HERC2: variants seen among roughly 807,000 people sequenced by gnomAD.
HERC2 encodes the protein HECT and RLD domain containing E3 ubiquitin protein ligase 2.
In HERC2, 102 loss-of-function variants were observed where a neutral mutation model predicts 537.7. The observed-to-expected ratio is 0.19, with a 90% CI of 0.16 to 0.22. HERC2 has a LOEUF of 0.22. Among genes scored for constraint, HERC2 ranks in the 10% least tolerant of loss-of-function variants. The pLI, the probability that HERC2 is intolerant of heterozygous loss-of-function variation, is 1.00. For missense variants in HERC2, 4,236 were observed against 6,198.2 expected (o/e 0.68, Z 10.63); for synonymous variants, 2,224 against 2,466.2 (o/e 0.90, Z 2.91).
intron 2 of HERC2, among the ~76,000 whole-genome samples, chr15:28,309,906 G>A (rs1288796105): frequency 2.0e-5 from 3 of 152,138 alleles, no homozygotes; most frequent in African/African-American, 7.2e-5. Context: ...TATTTTTTCT[G>A]TTCACATCAC....
chr15:28,196,305 T>C lies in HERC2; in HGVS notation c.8170A>G (p.Arg2724Gly). 1 of 1,449,594 alleles carries C rather than the reference T, an allele frequency of 6.9e-7. No homozygotes were observed. The highest frequency in any genetic ancestry group is 1.8e-5 in the Admixed American group (1 of 56,698). The allele number at this position is 1,449,594 out of a possible 1,614,324, so 89.8% of individuals were successfully genotyped here. A position where few individuals can be genotyped will look rare whatever the true frequency, so the allele number is the denominator to read the frequency against. Residue 2724 changes from arginine (R) to glycine (G), a missense_variant, in exon 52 of 93, where the codon AGA (arginine) becomes GGA (glycine). Physicochemically the swap from Arg to Gly is moderately radical, Grantham distance 125 (BLOSUM62 -2). This residue lies in a region of HERC2 where 606 missense variants were observed against 884.5 expected (regional missense o/e 0.69). Coordinates refer to ENST00000261609, the MANE Select transcript of HERC2 (RefSeq NM_004667.6). The part of the protein sequence containing the change: ...FPINGSRFKC[R>G]NCDDFDFCET... Reference sequence around the variant, plus strand: ...CAAAAATCAAAGTCATCACAGTTTCTGCATTTGAATCTGGATCCATTGATA... The same window carrying C: ...CAAAAATCAAAGTCATCACAGTTTCCGCATTTGAATCTGGATCCATTGATA...
chr15:28,231,675 TA>T (rs1314452988), intron 30 of HERC2, among the ~76,000 whole-genome samples: 2 of 152,166 alleles, frequency 1.3e-5, no homozygotes, highest in Non-Finnish European at 2.9e-5. Context: ...TTCCCTCTGC[TA>T]ATTTTAATCT....
Position 28,146,307 on chromosome 15 carries a change from G to A in HERC2, c.10938C>T (p.Cys3646=). 1 of 1,614,064 alleles carries A rather than the reference G, an allele frequency of 6.2e-7. No homozygotes were observed. Among genetic ancestry groups the A allele is most frequent in the Non-Finnish European group, 8.5e-7 (1 of 1,179,986 alleles). ...EGLRVEFDRQ[C]STERRHDPLT... The stretch of plus-strand genomic sequence containing the variant: ...GAGGGTCGTGGCGCCTCTCTGTGGA[G>A]CACTGCCGGTCAAATTCTACCCTGA... The change falls in exon 71 of 93, where the codon TGC becomes TGT. Residue 3646 remains cysteine, a synonymous_variant. Coordinates refer to ENST00000261609, the MANE Select transcript of HERC2 (RefSeq NM_004667.6).
chr15:28,240,918 A>G (rs1362105014), intron 23 of HERC2, among the ~76,000 whole-genome samples: 1 of 152,232 alleles, frequency 6.6e-6, no homozygotes, highest in Non-Finnish European at 1.5e-5. Context: ...AGACCTAAAA[A>G]TAAGTGCTAA....
intron 25 of HERC2, among the ~76,000 whole-genome samples, chr15:28,237,572 G>GT (rs1409298496): frequency 6.6e-6 from 1 of 152,226 alleles, no homozygotes; most frequent in Non-Finnish European, 1.5e-5. Context: ...TCTGAAAAAA[G>GT]TAAGAGTTCA....
At chr15:28,311,359 G>A (rs2076940366) in intron 2 of HERC2, among the ~76,000 whole-genome samples, 1 of 152,282 alleles carries the variant, frequency 6.6e-6, no homozygotes, top group Non-Finnish European at 1.5e-5. Flanking sequence ...CACTACTCAG[G>A]GGGCTGAGGT....
chr15:28,273,423 A>T (rs2016236), intron 7 of HERC2, among the ~76,000 whole-genome samples: 33,791 of 152,188 alleles, frequency 0.22, 7,454 homozygotes, highest in African/African-American at 0.56. Context: ...GCAAAATGTC[A>T]ACACTAATTT....
intron 85 of HERC2, 144 bp downstream of exon 85, chr15:28,123,893 G>C: frequency 1.7e-6 from 1 of 573,902 alleles, no homozygotes; most frequent in Middle Eastern, 3.2e-4. Flanking sequence ...ACCCAGAACA[G>C]AGCCTGGCAT....
At chr15:28,231,809 C>G (rs1217756039) in intron 30 of HERC2, among the ~76,000 whole-genome samples, 1 of 151,104 alleles carries the variant, frequency 6.6e-6, no homozygotes, top group Non-Finnish European at 1.5e-5. Flanking sequence ...GAATATTAAT[C>G]ACTTAATCTT....
In HERC2 at chr15:28,222,056, C is replaced by T. The variant is rs754151104; in HGVS notation, c.5624G>A (p.Arg1875Lys). The T allele has an allele frequency of 1.7e-6, 2 of 1,167,448 alleles. No individual in the cohort carries two copies. The highest frequency in any genetic ancestry group is 2.6e-6 in the Non-Finnish European group (2 of 769,490). The allele number at this position is 1,167,448 out of a possible 1,614,324, so 72.3% of individuals were successfully genotyped here. A position where few individuals can be genotyped will look rare whatever the true frequency, so the allele number is the denominator to read the frequency against. Residue 1875 changes from arginine (R) to lysine (K), a missense_variant, in exon 36 of 93, where the codon AGA becomes AAA. Coordinates refer to ENST00000261609, the MANE Select transcript of HERC2 (RefSeq NM_004667.6). ...ATCGCCCCATTTCCAGTCCACACCT[C>T]TCATGACCCTTGTTCCAATCTTCAT... ...AMMKIGTRVM[R>K]GVDWKWGDQD...
chr15:28,174,860 T>G (rs1205053022), intron 64 of HERC2, among the ~76,000 whole-genome samples: 1 of 152,112 alleles, frequency 6.6e-6, no homozygotes, highest in African/African-American at 2.4e-5. Flanking sequence ...TTTCTTAATA[T>G]TAATCCAATT....
intron 2 of HERC2, among the ~76,000 whole-genome samples, chr15:28,308,868 C>T (rs1292988478): frequency 6.6e-6 from 1 of 152,234 alleles, no homozygotes; most frequent in Non-Finnish European, 1.5e-5. Flanking sequence ...ATATGTTGAA[C>T]CATCCTTGTA....
chr15:28,142,569 C>T lies in HERC2; in HGVS notation c.11545-176G>A, dbSNP rs1891332662. The T allele has an allele frequency of 4.3e-6, 3 of 692,202 alleles. No homozygotes were observed. The East Asian group carries it at 8.2e-5, about 19-fold the overall frequency. The allele number at this position is 692,202 out of a possible 1,614,324, so 42.9% of individuals were successfully genotyped here. A position where few individuals can be genotyped will look rare whatever the true frequency, so the allele number is the denominator to read the frequency against. On this transcript the variant is annotated intron_variant, in intron 75 of 92. Coordinates refer to ENST00000261609, the MANE Select transcript of HERC2 (RefSeq NM_004667.6). ...TCTGACAGTTCCTAGCCACGTGCCA[C>T]ACAACTGCTGCAACACTTGTTGCCT...
At chr15:28,189,576 T>G (rs892598717) in intron 55 of HERC2, among the ~76,000 whole-genome samples, 6 of 152,222 alleles carry the variant, frequency 3.9e-5, no homozygotes, top group Non-Finnish European at 8.8e-5. Context: ...AATGAATCAG[T>G]GTATTATGAA....
intron 69 of HERC2, among the ~76,000 whole-genome samples, chr15:28,160,353 G>A (rs1893460109): frequency 6.6e-6 from 1 of 152,234 alleles, no homozygotes; most frequent in Non-Finnish European, 1.5e-5. Flanking sequence ...GAGGCAGGCA[G>A]GCCTCCTTGA....
chr15:28,196,623 T>C (rs1237879751), intron 50 of HERC2, 54 bp from the exon 51 acceptor site: 10 of 1,016,788 alleles, frequency 9.8e-6, no homozygotes, highest in South Asian at 1.3e-5. Context: ...AATAAAAACC[T>C]GAACTTAAAA....
At chr15:28,112,933 T>G (rs1043906747) in intron 92 of HERC2, 138 bp downstream of exon 92, 5 of 682,558 alleles carry the variant, frequency 7.3e-6, no homozygotes, top group Non-Finnish European at 1.2e-5. Context: ...ATCAGAGAAG[T>G]TCGATGTTTT....
chr15:28,272,422 G>C (rs779813706), intron 8 of HERC2, 36 bp from the exon 9 acceptor site: 122 of 1,557,144 alleles, frequency 7.8e-5, no homozygotes, highest in Non-Finnish European at 1.1e-4. Flanking sequence ...AGTAAAAACA[G>C]ATTAACTTCT....
chr15:28,220,412 G>T, intron 37 of HERC2, 40 bp downstream of exon 37: 3 of 1,581,660 alleles, frequency 1.9e-6, no homozygotes, highest in Non-Finnish European at 2.6e-6. Context: ...TGGACAGTTT[G>T]TGGGCTGCCT....
Sources: gnomAD v4.1 joint callset for allele counts (sites outside exome capture counted in the v4.1 genomes callset) on GRCh38, gnomAD v4.1.1 for gene constraint, gnomAD v4.1.1 regional missense constraint, MANE v1.5 for transcripts, NCBI Gene and HGNC (gene_info 2026-07-23, HGNC 2026-07-21) for gene names.